Variants in ZNF469 observed in about 807,000 individuals in gnomAD.
ZNF469 encodes zinc finger protein 469.
In ZNF469, 1 loss-of-function variant was observed where a neutral mutation model predicts 1.0. The ratio of observed to expected loss-of-function variants is 1.00; its 90% CI spans 0.35 to 4.73. The LOEUF (loss-of-function observed/expected upper bound fraction) is 4.73, where lower values mean the gene tolerates loss of function less well. ZNF469 is among the 30% of genes most tolerant of loss of function. ZNF469 has a pLI of 0.16. For missense variants in ZNF469, 6,100 were observed against 5,356.3 expected (o/e 1.14, Z -4.33); for synonymous variants, 2,703 against 2,363.4 (o/e 1.14, Z -4.17).
Position 88,437,172 on chromosome 16 carries a change from C to T in ZNF469, c.9702C>T (p.Pro3234=). ...ACCTTCTGAACAGCATCACGGAACCCGCGCCCAAACACCACAGGGGCAAGC... is the reference window on the plus strand; with the variant it reads ...ACCTTCTGAACAGCATCACGGAACCTGCGCCCAAACACCACAGGGGCAAGC... The part of the protein sequence containing the change: ...VAHLLNSITE[P]APKHHRGKRS... The change falls in exon 3 of 3, where the codon CCC becomes CCT. Residue 3234 remains proline (P), a synonymous_variant. Transcript: ENST00000565624. 1.3e-6 allele frequency: 2 copies of T among 1,549,460 alleles called. No homozygotes were observed. The highest frequency in any genetic ancestry group is 1.2e-5 in the South Asian group (1 of 84,058).
At chr16:88,227,100 G>A in the ZNF469 span, among the ~76,000 whole-genome samples, 2 of 117,244 alleles carry the variant, frequency 1.7e-5, no homozygotes, top group Non-Finnish European at 3.6e-5. Flanking sequence ...CGGGGCCTGC[G>A]CGTTTCCACC....
the ZNF469 span, among the ~76,000 whole-genome samples, chr16:88,145,338 C>T: frequency 9.8e-5 from 15 of 152,296 alleles, no homozygotes; most frequent in Admixed American, 7.8e-4. Context: ...CACAACACCA[C>T]GGCCCCTCGT....
At chr16:88,249,674 G>C in the ZNF469 span, among the ~76,000 whole-genome samples, 30 of 151,952 alleles carry the variant, frequency 2.0e-4, no homozygotes, top group East Asian at 2.7e-3. Flanking sequence ...CTGACCTTGT[G>C]ATCCGCCCAC....
At chr16:88,227,577 C>A in the ZNF469 span, among the ~76,000 whole-genome samples, 3 of 148,260 alleles carry the variant, frequency 2.0e-5, no homozygotes, top group Non-Finnish European at 3.0e-5. Flanking sequence ...CGGCCTGGCC[C>A]CCCCCTTCTC....
the ZNF469 span, among the ~76,000 whole-genome samples, chr16:88,150,713 G>A: frequency 2.7e-5 from 4 of 148,894 alleles, no homozygotes; most frequent in Non-Finnish European, 3.0e-5. Context: ...GGGCCGATTC[G>A]GGAGCTTTGA....
At chr16:88,317,441 G>T in the ZNF469 span, among the ~76,000 whole-genome samples, 204 of 152,332 alleles carry the variant, frequency 1.3e-3, no homozygotes, top group African/African-American at 4.5e-3. Flanking sequence ...TCGGAACCTG[G>T]CTGGTGAAGG....
At chr16:88,289,651 A>G in the ZNF469 span, among the ~76,000 whole-genome samples, 7 of 152,130 alleles carry the variant, frequency 4.6e-5, no homozygotes, top group African/African-American at 1.7e-4. Flanking sequence ...GTCACTTGTG[A>G]GTGGTGGAGC....
In ZNF469 at chr16:88,438,903, A is replaced by G. The variant is rs1354994478; in HGVS notation, c.11433A>G (p.Gly3811=). The change falls in exon 3 of 3, where the codon GGA becomes GGG. Residue 3811 remains glycine, a synonymous_variant. Coordinates refer to ENST00000565624, the MANE Select transcript of ZNF469 (RefSeq NM_001367624.2). ...GGAGCCTAGGTCCCAAGGAGAAGGG[A>G]GAGAGCAGTACGAAGAGGAAAAAGG... The part of the protein sequence containing the change: ...PHGSLGPKEK[G]ESSTKRKKGQ... The G allele has an allele frequency of 6.4e-7, 1 of 1,550,420 alleles. No homozygotes were observed. Among genetic ancestry groups the G allele is most frequent in the African/African-American group, 1.4e-5 (1 of 73,032 alleles).
At chr16:88,344,925 C>T in the ZNF469 span, among the ~76,000 whole-genome samples, 1 of 152,230 alleles carries the variant, frequency 6.6e-6, no homozygotes, top group Admixed American at 6.5e-5. Context: ...CTGCAACCTT[C>T]CAGGTGTCAA....
intron 1 of ZNF469, among the ~76,000 whole-genome samples, chr16:88,388,518 G>A (rs973017216): frequency 2.0e-5 from 3 of 152,232 alleles, no homozygotes; most frequent in South Asian, 4.1e-4. Context: ...CAGAGCCTGC[G>A]TCTCCAGGCC....
chr16:88,367,516 GAC>G, the ZNF469 span, among the ~76,000 whole-genome samples: 1 of 152,230 alleles, frequency 6.6e-6, no homozygotes, highest in Non-Finnish European at 1.5e-5. Flanking sequence ...CATGATAGCA[GAC>G]ACAGAGACAG....
At position 88,424,567 on chromosome 16, in the gene ZNF469, G is replaced by A. The variant is rs1007444309; in HGVS notation, c.-191-240G>A. Among the ~76,000 whole-genome samples, 2 of 152,164 alleles carry A rather than the reference G, an allele frequency of 1.3e-5. No individual in the cohort carries two copies. The highest frequency in any genetic ancestry group is 2.9e-5 in the Non-Finnish European group (2 of 68,020). On this transcript the variant is annotated intron_variant, in intron 1 of 2. Transcript: ENST00000565624. This position sits in a 1 kb window ranked among gnomAD's most constrained non-coding sequence, Gnocchi z 4.3. ...GAGATTTAAGATAGCCGTCAAAGCTGCAGCTGAGGCAGCCAGGTGACCCCT... is the reference window on the plus strand; with the variant it reads ...GAGATTTAAGATAGCCGTCAAAGCTACAGCTGAGGCAGCCAGGTGACCCCT...
chr16:88,337,765 T>G, the ZNF469 span, among the ~76,000 whole-genome samples: 1 of 152,178 alleles, frequency 6.6e-6, no homozygotes, highest in Non-Finnish European at 1.5e-5. Context: ...TGGCTGATGG[T>G]GTCAGGCATC....
At chr16:88,272,518 A>G in the ZNF469 span, among the ~76,000 whole-genome samples, 2 of 150,450 alleles carry the variant, frequency 1.3e-5, no homozygotes, top group South Asian at 4.2e-4. Context: ...AGGGGGGTGT[A>G]TGGATAGATG....
At chr16:88,226,976 C>T in the ZNF469 span, among the ~76,000 whole-genome samples, 1 of 151,714 alleles carries the variant, frequency 6.6e-6, no homozygotes, top group Non-Finnish European at 1.5e-5. Context: ...GCCTCCTCCG[C>T]GCCGGGGCCT....
chr16:88,327,918 C>G, the ZNF469 span, among the ~76,000 whole-genome samples: 39 of 152,334 alleles, frequency 2.6e-4, no homozygotes, highest in South Asian at 2.1e-4. Context: ...GTGAGATTGT[C>G]TACCAGAAAC....
At chr16:88,406,885 C>G (rs1327388744) in intron 1 of ZNF469, among the ~76,000 whole-genome samples, 1 of 152,208 alleles carries the variant, frequency 6.6e-6, no homozygotes, top group Non-Finnish European at 1.5e-5. Flanking sequence ...CTCCTGATTC[C>G]CCCTAGCGGC....
At chr16:88,157,168 C>T in the ZNF469 span, among the ~76,000 whole-genome samples, 32,566 of 151,260 alleles carry the variant, frequency 0.22, 3,959 homozygotes, top group East Asian at 0.49. Context: ...CCGGCGCCAC[C>T]GAGGGACATG....
the ZNF469 span, among the ~76,000 whole-genome samples, chr16:88,195,405 C>G: frequency 6.6e-6 from 1 of 152,144 alleles, no homozygotes; most frequent in South Asian, 2.1e-4. Context: ...TTGCGAAAAT[C>G]CATGATTCAG....
Sources: allele counts gnomAD v4.1 joint callset (sites outside exome capture counted in the v4.1 genomes callset), GRCh38; gene constraint gnomAD v4.1.1; non-coding constraint Gnocchi (gnomAD v3.1); transcripts MANE v1.5; gene names NCBI Gene and HGNC (gene_info 2026-07-23, HGNC 2026-07-21).